The following CORO2B variants were observed in gnomAD, a reference collection of about 807,000 sequenced individuals.
CORO2B encodes coronin-2B.
CORO2B carries 26 observed loss-of-function variants against 58.8 expected under a neutral mutation model. The observed-to-expected ratio is 0.44, with a 90% CI of 0.32 to 0.61. The LOEUF (loss-of-function observed/expected upper bound fraction) is 0.61. CORO2B is among the 20% of genes least tolerant of loss of function. The pLI is 0.04. For missense variants in CORO2B, 460 were observed against 645.1 expected, an observed-to-expected ratio of 0.71 and a Z score of 3.11; for synonymous variants, 242 against 253.8, an observed-to-expected ratio of 0.95 and a Z score of 0.44.
chr15:68,583,173 A>G (rs1201215500), intron 1 of CORO2B, among the ~76,000 whole-genome samples: 2 of 152,136 alleles, frequency 1.3e-5, no homozygotes, highest in Non-Finnish European at 2.9e-5. Context: ...TGAATGTGAA[A>G]GGACTGAGGA....
Position 68,641,491 on chromosome 15 carries a change from A to T in CORO2B, c.16-3669A>T, listed in dbSNP as rs769199752. On this transcript the variant is annotated intron_variant, in intron 1 of 11. Coordinates refer to ENST00000261861, the MANE Select transcript of CORO2B (RefSeq NM_006091.5). ...GGGAGGAAGCAGAAGGAGCAGGGAA[A>T]AGGAGAAGGGGGAGGGTGGACGAGG... 8.8e-5 allele frequency: 86 copies of T among 979,186 alleles called. 1 individual carries two copies. The highest frequency in any genetic ancestry group is 7.4e-4 in the Admixed American group (12 of 16,278). 60.7% of individuals were successfully genotyped at this position (979,186 alleles called of 1,614,324 possible).
At chr15:68,575,721 C>G (rs535093066), upstream of CORO2B, among the ~76,000 whole-genome samples, 20 of 152,220 alleles carry the variant, frequency 1.3e-4, no homozygotes, top group African/African-American at 4.6e-4. Context: ...TCTTCCACTC[C>G]TGTGATCACC....
chr15:68,700,720 G>A (rs1380438147), intron 3 of CORO2B, among the ~76,000 whole-genome samples: 4 of 152,218 alleles, frequency 2.6e-5, no homozygotes, highest in African/African-American at 9.7e-5. Context: ...CAGCTAGGGA[G>A]GGCGGCTGGC....
chr15:68,577,143 A>G (rs571560624), upstream of CORO2B, among the ~76,000 whole-genome samples: 9 of 152,320 alleles, frequency 5.9e-5, no homozygotes, highest in East Asian at 1.5e-3. Context: ...CAAGAGATTT[A>G]GTAAGTCCCT....
chr15:68,564,088 T>C, the CORO2B span, among the ~76,000 whole-genome samples: 1 of 152,340 alleles, frequency 6.6e-6, no homozygotes, highest in South Asian at 2.1e-4. Flanking sequence ...TATCTTTTTA[T>C]AAACATTAGA....
chr15:68,605,859 T>C (rs955051839), intron 1 of CORO2B, among the ~76,000 whole-genome samples: 1 of 151,886 alleles, frequency 6.6e-6, no homozygotes, highest in Non-Finnish European at 1.5e-5. Context: ...TGAGTATCTG[T>C]GATTACAGGC....
At chr15:68,700,478 C>G (rs1892613816) in intron 3 of CORO2B, among the ~76,000 whole-genome samples, 1 of 152,174 alleles carries the variant, frequency 6.6e-6, no homozygotes, top group African/African-American at 2.4e-5. Flanking sequence ...GAAATCAATC[C>G]CCGTCCCCCA....
chr15:68,518,380 G>T, the CORO2B span, among the ~76,000 whole-genome samples: 1 of 152,114 alleles, frequency 6.6e-6, no homozygotes, highest in Non-Finnish European at 1.5e-5. Context: ...GATGAGGACC[G>T]AGCTCTTCCT....
intron 2 of CORO2B, among the ~76,000 whole-genome samples, chr15:68,656,975 G>A (rs1030433402): frequency 6.6e-6 from 1 of 152,142 alleles, no homozygotes; most frequent in Non-Finnish European, 1.5e-5. Context: ...CTAGGGTCCA[G>A]TCCCCCCGAT....
upstream of CORO2B, among the ~76,000 whole-genome samples, chr15:68,575,342 CTT>C (rs147492952): frequency 5.3e-4 from 76 of 143,408 alleles, no homozygotes; most frequent in South Asian, 5.1e-3. Context: ...ACACCTTTTT[CTT>C]TTTTTTTTTT....
At chr15:68,546,849 A>G in the CORO2B span, among the ~76,000 whole-genome samples, 1,196 of 152,186 alleles carry the variant, frequency 7.9e-3, 7 homozygotes, top group Non-Finnish European at 0.011. Context: ...TCTTTAGAGG[A>G]GGGAATACTC....
rs186269653 is a variant in CORO2B at position 68,587,898 on chromosome 15, C to T, written c.15+8621C>T. Among the ~76,000 whole-genome samples the T allele has an allele frequency of 5.9e-5, 9 of 152,226 alleles. No homozygotes were observed. In the East Asian group the frequency reaches 7.7e-4, roughly 13 times the overall value. On this transcript the variant is annotated intron_variant, in intron 1 of 11. Coordinates refer to ENST00000261861, the MANE Select transcript of CORO2B (RefSeq NM_006091.5). Reference sequence around the variant, plus strand: ...CTTTGTCAGGCTGGTGGGAATGACCCGGAAATATGTGGTCCAGAGCATGGG... The same window carrying T: ...CTTTGTCAGGCTGGTGGGAATGACCTGGAAATATGTGGTCCAGAGCATGGG...
chr15:68,718,649 G>T lies in CORO2B; in HGVS notation c.968-49G>T, dbSNP rs547295591. 4 of 1,485,378 alleles carry T rather than the reference G, an allele frequency of 2.7e-6. No homozygotes were observed. The African/African-American group carries it at 5.5e-5, about 20-fold the overall frequency. The allele number at this position is 1,485,378 out of a possible 1,614,324, so 92.0% of individuals were successfully genotyped here. A position where few individuals can be genotyped will look rare whatever the true frequency, so the allele number is the denominator to read the frequency against. ...CAGAACATCATGGGGTGATGTCACT[G>T]AGACGCAGTTTCTGGGACCCCATGG... On this transcript the variant is annotated intron_variant, in intron 8 of 11. Coordinates refer to ENST00000261861, the MANE Select transcript of CORO2B (RefSeq NM_006091.5).
intron 2 of CORO2B, among the ~76,000 whole-genome samples, chr15:68,694,501 A>G (rs1407145137): frequency 6.6e-6 from 1 of 152,238 alleles, no homozygotes; most frequent in Non-Finnish European, 1.5e-5. Flanking sequence ...TATGCTTTCA[A>G]CCACAGGGCA....
At chr15:68,592,353 T>A (rs1000912744) in intron 1 of CORO2B, among the ~76,000 whole-genome samples, 1 of 152,198 alleles carries the variant, frequency 6.6e-6, no homozygotes, top group Non-Finnish European at 1.5e-5. Flanking sequence ...CCTGTGCTTG[T>A]TCTGTCTATT....
the CORO2B span, among the ~76,000 whole-genome samples, chr15:68,550,928 C>T: frequency 1.3e-5 from 2 of 152,326 alleles, no homozygotes; most frequent in African/African-American, 4.8e-5. Flanking sequence ...CCTGAGCCTC[C>T]CCACACCTCC....
Position 68,719,540 on chromosome 15 carries a change from G to A in CORO2B, c.1299G>A (p.Arg433=), listed in dbSNP as rs367653470. The change falls in exon 11 of 12, where the codon AGG becomes AGA. Residue 433 remains arginine, a synonymous_variant. Transcript: ENST00000261861. ...GIDLLENVPP[R]TENELLRMFF... is the part of the protein sequence containing the mutation. ...ATTTATTAGAAAATGTCCCACCCAGGACAGAGAATGAGGTAAGGAATGTAA... is the reference window on the plus strand; with the variant it reads ...ATTTATTAGAAAATGTCCCACCCAGAACAGAGAATGAGGTAAGGAATGTAA... 17 of 1,613,618 alleles carry A rather than the reference G, an allele frequency of 1.1e-5. No homozygotes were observed. Among genetic ancestry groups the A allele is most frequent in the East Asian group, 6.7e-5 (3 of 44,902 alleles).
chr15:68,619,101 G>C (rs1007295430), intron 1 of CORO2B, among the ~76,000 whole-genome samples: 8 of 152,114 alleles, frequency 5.3e-5, no homozygotes, highest in Non-Finnish European at 1.0e-4. Context: ...ATGCAGTTGA[G>C]GATATTGCTC....
At chr15:68,629,093 C>T (rs1900757102) in intron 1 of CORO2B, among the ~76,000 whole-genome samples, 1 of 152,190 alleles carries the variant, frequency 6.6e-6, no homozygotes, top group African/African-American at 2.4e-5. Context: ...GCTGGGGGAG[C>T]CATGGGATCA....
Sources: gnomAD v4.1 joint callset for allele counts (sites outside exome capture counted in the v4.1 genomes callset) on GRCh38, gnomAD v4.1.1 for gene constraint, MANE v1.5 for transcripts, NCBI Gene and HGNC (gene_info 2026-07-23, HGNC 2026-07-21) for gene names.